GALNT13: variants seen among roughly 807,000 people sequenced by gnomAD.
The protein encoded by GALNT13 is UDP-GalNAc:polypeptide N-acetylgalactosaminyltransferase 13.
Under a neutral mutation model 64.2 loss-of-function variants are expected in GALNT13, and 28 were observed. That is an observed-to-expected ratio of 0.44 (90% CI 0.32 to 0.60). The LOEUF (loss-of-function observed/expected upper bound fraction) is 0.60. GALNT13 is among the 20% of genes least tolerant of loss of function. The pLI, the probability that GALNT13 is intolerant of heterozygous loss-of-function variation, is 0.05. For missense variants in GALNT13, 577 were observed against 669.8 expected, an observed-to-expected ratio of 0.86 and a Z score of 1.53; for synonymous variants, 214 against 224.6, an observed-to-expected ratio of 0.95 and a Z score of 0.42.
the GALNT13 span, among the ~76,000 whole-genome samples, chr2:153,436,449 A>T: frequency 1.3e-5 from 2 of 152,142 alleles, no homozygotes; most frequent in African/African-American, 4.8e-5. Flanking sequence ...CTGTGAATCC[A>T]TCTGGTCCTG....
rs570297074 is a variant in GALNT13, at chr2:154,079,470, GTTTA to G, written c.143-60862_143-60859del. On this transcript the variant is annotated intron_variant, in intron 3 of 12. Transcript: ENST00000392825. ...ATTTTTATTTCAGAGCAGGATGGAA[GTTTA>G]TTTAACAGCTTTATAACAGGAAACA... Among the ~76,000 whole-genome samples the G allele has an allele frequency of 2.0e-3, 300 of 151,702 alleles. 3 individuals carry two copies. The highest frequency in any genetic ancestry group is 6.8e-3 in the Middle Eastern group (2 of 294).
rs752346179 is a variant in GALNT13, at chr2:154,413,551, A to G, written c.1395+4469A>G. On this transcript the variant is annotated intron_variant, in intron 11 of 12. Coordinates refer to ENST00000392825, the MANE Select transcript of GALNT13 (RefSeq NM_052917.4). ...CAAAACCCCTCATAATTGTATCCCC[A>G]TCTGGTTTTCCAGCCTGATCTACCT... Among the ~76,000 whole-genome samples the G allele has an allele frequency of 1.3e-4, 20 of 151,946 alleles. 1 individual carries two copies. The highest frequency in any genetic ancestry group is 2.7e-4 in the Non-Finnish European group (18 of 67,878).
At chr2:153,427,390 T>A in the GALNT13 span, among the ~76,000 whole-genome samples, 1 of 152,162 alleles carries the variant, frequency 6.6e-6, no homozygotes, top group African/African-American at 2.4e-5. Context: ...AAGTTTAGGA[T>A]GTAAGAGAAA....
the GALNT13 span, among the ~76,000 whole-genome samples, chr2:153,093,043 G>GTT: frequency 1.4e-4 from 21 of 148,350 alleles, no homozygotes; most frequent in South Asian, 4.3e-4. Flanking sequence ...AGTTTTTGAG[G>GTT]TTTTTTTTTT....
chr2:153,154,707 T>C, the GALNT13 span, among the ~76,000 whole-genome samples: 2 of 152,182 alleles, frequency 1.3e-5, no homozygotes, highest in African/African-American at 4.8e-5. Flanking sequence ...GTCTTTCCAT[T>C]TGGATGTCCT....
At chr2:153,928,206 C>T (rs989556594) in intron 2 of GALNT13, among the ~76,000 whole-genome samples, 1 of 152,020 alleles carries the variant, frequency 6.6e-6, no homozygotes, top group South Asian at 2.1e-4. Context: ...ATAAATGCCC[C>T]TGTTTTGAAA....
At chr2:153,295,320 A>C in the GALNT13 span, among the ~76,000 whole-genome samples, 3 of 152,196 alleles carry the variant, frequency 2.0e-5, no homozygotes, top group Non-Finnish European at 4.4e-5. Flanking sequence ...TGGAGAAGAC[A>C]TTATAAACCC....
Position 154,110,725 on chromosome 2 carries a change from C to T in GALNT13, c.143-29612C>T, listed in dbSNP as rs569550491. 2.6e-5 allele frequency among the ~76,000 whole-genome samples: 4 copies of T among 152,154 alleles called. No homozygotes were observed. In the South Asian group the frequency reaches 8.3e-4, roughly 32 times the overall value. ...TTAATCTCCTTTGGCAACAACCTCA[C>T]AGACACACCCAGGATCAATACTTTG... On this transcript the variant is annotated intron_variant, in intron 3 of 12. Transcript: ENST00000392825.
the GALNT13 span, among the ~76,000 whole-genome samples, chr2:153,393,277 T>C: frequency 2.0e-5 from 3 of 151,912 alleles, no homozygotes; most frequent in African/African-American, 7.2e-5. Context: ...ATTTTTTTTT[T>C]TTGTCTTGCT....
chr2:153,196,250 C>T, the GALNT13 span, among the ~76,000 whole-genome samples: 3 of 152,216 alleles, frequency 2.0e-5, no homozygotes, highest in Non-Finnish European at 4.4e-5. Context: ...CCATGATGTC[C>T]AGGCTGCTCA....
chr2:153,666,005 C>T, the GALNT13 span, among the ~76,000 whole-genome samples: 1 of 152,132 alleles, frequency 6.6e-6, no homozygotes, highest in Non-Finnish European at 1.5e-5. Flanking sequence ...ACAGACAAAG[C>T]ATGGCTGTCT....
the GALNT13 span, among the ~76,000 whole-genome samples, chr2:153,784,172 C>A: frequency 6.6e-6 from 1 of 152,172 alleles, no homozygotes; most frequent in African/African-American, 2.4e-5. Context: ...AAGTTTGGAA[C>A]TTCCTAGAGA....
the GALNT13 span, among the ~76,000 whole-genome samples, chr2:153,758,963 A>T: frequency 1.3e-5 from 2 of 152,322 alleles, no homozygotes; most frequent in East Asian, 3.9e-4. Context: ...TACTTGTGTC[A>T]TCAATTTCTT....
intron 10 of GALNT13, among the ~76,000 whole-genome samples, chr2:154,396,676 C>T (rs1699068463): frequency 6.6e-6 from 1 of 151,982 alleles, no homozygotes; most frequent in Admixed American, 6.6e-5. Flanking sequence ...CTTCGGTATT[C>T]CATCTATTGC....
chr2:154,225,774 T>G (rs1688586139), intron 4 of GALNT13, among the ~76,000 whole-genome samples: 1 of 152,016 alleles, frequency 6.6e-6, no homozygotes, highest in Non-Finnish European at 1.5e-5. Flanking sequence ...TTCAACAAAG[T>G]ATGAACAGCT....
intron 4 of GALNT13, among the ~76,000 whole-genome samples, chr2:154,164,364 G>T (rs1406272513): frequency 1.3e-5 from 2 of 152,016 alleles, no homozygotes; most frequent in Admixed American, 1.3e-4. Context: ...TTCTATTTCT[G>T]TGTAACATTA....
rs200826289 is a variant in GALNT13 at position 154,059,545 on chromosome 2, G to GT, written c.143-80791dup. On this transcript the variant is annotated intron_variant, in intron 3 of 12. Coordinates refer to ENST00000392825, the MANE Select transcript of GALNT13 (RefSeq NM_052917.4). ...ATGCACCATTATGTTAAGCTATTCT[G>GT]TAAAATCTTTTGAGAAAATGTGTGA... Among the ~76,000 whole-genome samples, 865 of 152,150 alleles carry GT rather than the reference G, an allele frequency of 5.7e-3. 5 individuals carry two copies. Among genetic ancestry groups the GT allele is most frequent in the Non-Finnish European group, 8.7e-3 (590 of 68,004 alleles).
At chr2:153,133,765 A>G in the GALNT13 span, among the ~76,000 whole-genome samples, 1 of 149,064 alleles carries the variant, frequency 6.7e-6, no homozygotes, top group African/African-American at 2.4e-5. Flanking sequence ...ATCAAGTCTG[A>G]CAAAATGGCC....
the GALNT13 span, among the ~76,000 whole-genome samples, chr2:153,557,168 T>C: frequency 1.3e-5 from 2 of 152,194 alleles, no homozygotes; most frequent in Non-Finnish European, 2.9e-5. Flanking sequence ...TATGTTTAGA[T>C]GTGTTTAGAT....
Sources: allele counts gnomAD v4.1 joint callset (sites outside exome capture counted in the v4.1 genomes callset), GRCh38; gene constraint gnomAD v4.1.1; transcripts MANE v1.5; gene names NCBI Gene and HGNC (gene_info 2026-07-23, HGNC 2026-07-21).